DISC1: variants seen among roughly 807,000 people sequenced by gnomAD.
The protein encoded by DISC1 is disrupted in schizophrenia 1 protein.
A neutral mutation model predicts 84.5 loss-of-function variants in DISC1; 57 were observed. That is an observed-to-expected ratio of 0.67 (90% CI 0.55 to 0.84). The LOEUF (loss-of-function observed/expected upper bound fraction) is 0.84, where lower values mean the gene tolerates loss of function less well. Among genes scored for constraint, DISC1 ranks in the 40% least tolerant of loss-of-function variants. The pLI is 0.00. For missense variants in DISC1, 1,000 were observed against 1,057.8 expected, an observed-to-expected ratio of 0.95 and a Z score of 0.76; for synonymous variants, 411 against 415.2, an observed-to-expected ratio of 0.99 and a Z score of 0.12.
At chr1:231,881,070 C>T (rs2086258794) in intron 9 of DISC1, among the ~76,000 whole-genome samples, 1 of 152,054 alleles carries the variant, frequency 6.6e-6, no homozygotes, top group Admixed American at 6.6e-5. Context: ...TCCTTTCTCC[C>T]CTCTCTTTCT....
At chr1:231,846,288 A>G (rs1162874233) in intron 9 of DISC1, among the ~76,000 whole-genome samples, 1 of 152,232 alleles carries the variant, frequency 6.6e-6, no homozygotes. Context: ...GGATCCAGGC[A>G]GTAGGGCAAA....
At chr1:231,899,164 G>A (rs1294308163) in intron 9 of DISC1, among the ~76,000 whole-genome samples, 1 of 152,110 alleles carries the variant, frequency 6.6e-6, no homozygotes, top group Non-Finnish European at 1.5e-5. Context: ...AAAAAGTCAG[G>A]AAAAGGGTAG....
intron 6 of DISC1, among the ~76,000 whole-genome samples, chr1:231,780,173 C>T (rs1315477479): frequency 7.0e-6 from 1 of 141,996 alleles, no homozygotes; most frequent in Non-Finnish European, 1.5e-5. Context: ...ACCAGCATGG[C>T]ACATGTATAA....
intron 9 of DISC1, among the ~76,000 whole-genome samples, chr1:231,850,541 A>C (rs2083818543): frequency 6.6e-6 from 1 of 152,252 alleles, no homozygotes; most frequent in African/African-American, 2.4e-5. Context: ...AATTGTGTGG[A>C]TGGTGACAGG....
intron 1 of DISC1, among the ~76,000 whole-genome samples, chr1:231,678,392 A>G (rs897560397): frequency 1.3e-5 from 2 of 152,158 alleles, no homozygotes; most frequent in African/African-American, 4.8e-5. Flanking sequence ...TGCTTCCACT[A>G]TTATGGTTGA....
At chr1:231,792,538 G>A (rs1031887877) in intron 6 of DISC1, among the ~76,000 whole-genome samples, 1 of 152,204 alleles carries the variant, frequency 6.6e-6, no homozygotes, top group African/African-American at 2.4e-5. Context: ...GTTCAATGAT[G>A]TGTTGAACCA....
At position 231,698,630 on chromosome 1, in the gene DISC1, C is replaced by A. The variant is rs1002024248; in HGVS notation, c.1048-3325C>A. Among the ~76,000 whole-genome samples the A allele has an allele frequency of 6.6e-6, 1 of 152,116 alleles. No individual in the cohort carries two copies. Among genetic ancestry groups the A allele is most frequent in the African/African-American group, 2.4e-5 (1 of 41,426 alleles). On this transcript the variant is annotated intron_variant, in intron 2 of 12. Transcript: ENST00000439617. This position sits in a 1 kb window ranked among gnomAD's most constrained non-coding sequence, Gnocchi z 4.9. Reference sequence around the variant, plus strand: ...TCAGGGCCTTATAGAGATCACTGGACGAGGTGGGCATCGTGGGGTGGGCTT... The same window carrying A: ...TCAGGGCCTTATAGAGATCACTGGAAGAGGTGGGCATCGTGGGGTGGGCTT...
At chr1:231,756,226 C>T (rs1407931924) in intron 4 of DISC1, among the ~76,000 whole-genome samples, 1 of 152,200 alleles carries the variant, frequency 6.6e-6, no homozygotes, top group Non-Finnish European at 1.5e-5. Context: ...AAACAAATAT[C>T]CTTGCAAAGC....
At chr1:231,884,313 G>T (rs2086513656) in intron 9 of DISC1, among the ~76,000 whole-genome samples, 1 of 152,162 alleles carries the variant, frequency 6.6e-6, no homozygotes, top group African/African-American at 2.4e-5. Flanking sequence ...TGTACTCAAT[G>T]TTTAGCTCCC....
intron 3 of DISC1, among the ~76,000 whole-genome samples, chr1:231,707,096 A>G (rs1016673991): frequency 2.0e-5 from 3 of 152,182 alleles, no homozygotes; most frequent in South Asian, 2.1e-4. Context: ...ATTGAATAGA[A>G]TCGGCCATTC....
chr1:231,926,326 T>TA (rs966941524), intron 9 of DISC1, among the ~76,000 whole-genome samples: 13 of 152,062 alleles, frequency 8.5e-5, no homozygotes, highest in African/African-American at 2.4e-4. Flanking sequence ...TGGGTTTACG[T>TA]AAAAAAAACT....
intron 3 of DISC1, 75 bp downstream of exon 3, chr1:231,702,099 T>A (rs2066500361): frequency 6.5e-7 from 1 of 1,539,198 alleles, no homozygotes; most frequent in Admixed American, 2.2e-5. Flanking sequence ...CATATCTACC[T>A]TTTGAATCCC....
At chr1:231,705,316 ATCATT>A (rs369498597) in intron 3 of DISC1, among the ~76,000 whole-genome samples, 3 of 89,738 alleles carry the variant, frequency 3.3e-5, no homozygotes, top group African/African-American at 1.1e-4. Flanking sequence ...AAAAAAAAAA[ATCATT>A]AAAAAAAAAA....
At chr1:232,013,515 C>A (rs199810120) in intron 11 of DISC1, among the ~76,000 whole-genome samples, 2 of 151,948 alleles carry the variant, frequency 1.3e-5, no homozygotes, top group East Asian at 1.9e-4. Flanking sequence ...AACAAGTTAA[C>A]GAGAAAAACA....
intron 9 of DISC1, among the ~76,000 whole-genome samples, chr1:231,949,637 G>C (rs1475366413): frequency 6.6e-6 from 1 of 152,154 alleles, no homozygotes; most frequent in African/African-American, 2.4e-5. Context: ...GGATCTGGCT[G>C]CCTTACGGGG....
chr1:231,996,102 C>T (rs1361207727), intron 10 of DISC1, among the ~76,000 whole-genome samples: 2 of 152,174 alleles, frequency 1.3e-5, no homozygotes, highest in Admixed American at 6.5e-5. Context: ...TGATGATGAG[C>T]GTTTTTTCAT....
At position 231,759,526 on chromosome 1, in the gene DISC1, CAAAAAAAAAAA is replaced by C. The variant is rs767431903; in HGVS notation, c.1269-7599_1269-7589del. 1.2e-4 allele frequency among the ~76,000 whole-genome samples: 6 copies of C among 48,296 alleles called. No homozygotes were observed. The South Asian group carries it at 8.5e-3, about 68-fold the overall frequency. 31.7% of individuals were successfully genotyped at this position (48,296 alleles called of 152,430 possible). On this transcript the variant is annotated intron_variant, in intron 4 of 12. Coordinates refer to ENST00000439617, the MANE Select transcript of DISC1 (RefSeq NM_018662.3). ...CAACATAGTGAGACCCCCATCTCTA[CAAAAAAAAAAA>C]AAAAAAAAAAAAAACAAAACTAGCC...
At chr1:231,782,901 C>T (rs2077543912) in intron 6 of DISC1, among the ~76,000 whole-genome samples, 1 of 152,088 alleles carries the variant, frequency 6.6e-6, no homozygotes, top group Non-Finnish European at 1.5e-5. Flanking sequence ...GAGATCGTGT[C>T]ACTCTACTCC....
chr1:231,782,848 G>A (rs1215072319), intron 6 of DISC1, among the ~76,000 whole-genome samples: 1 of 151,998 alleles, frequency 6.6e-6, no homozygotes, highest in East Asian at 1.9e-4. Context: ...AGGCTGAGGT[G>A]GGAGAGTCAC....
Sources: gnomAD v4.1 joint callset for allele counts (sites outside exome capture counted in the v4.1 genomes callset) on GRCh38, gnomAD v4.1.1 for gene constraint, Gnocchi (gnomAD v3.1) non-coding constraint, MANE v1.5 for transcripts, NCBI Gene and HGNC (gene_info 2026-07-23, HGNC 2026-07-21) for gene names.